Variants in DACH2 observed in about 807,000 individuals in gnomAD.
DACH2 encodes the protein dachshund family transcription factor 2, also known as dachshund homolog 2.
Under a neutral mutation model 35.8 loss-of-function variants are expected in DACH2, and 17 were observed. The ratio of observed to expected loss-of-function variants is 0.48; its 90% CI spans 0.33 to 0.71. DACH2 has a LOEUF of 0.71. DACH2 is among the 30% of genes least tolerant of loss of function. The pLI is 0.02. For missense variants in DACH2, 469 were observed against 472.7 expected, an observed-to-expected ratio of 0.99 and a Z score of 0.07; for synonymous variants, 195 against 177.3, an observed-to-expected ratio of 1.10 and a Z score of -0.79.
At chrX:86,356,750 G>A (rs2035649411) in intron 1 of DACH2, among the ~76,000 whole-genome samples, 1 of 111,013 alleles carries the variant, frequency 9.0e-6, no homozygotes, top group African/African-American at 3.3e-5. Flanking sequence ...GCTAGATCTT[G>A]GCAGATATAT....
intron 6 of DACH2, among the ~76,000 whole-genome samples, chrX:86,717,129 G>A (rs1248042625): frequency 8.9e-6 from 1 of 111,761 alleles, no homozygotes; most frequent in African/African-American, 3.3e-5. Context: ...AATATATTTT[G>A]TCATATGCAT....
chrX:86,698,533 T>TTTTTTTTTTTTTTTTTTTTTTTG (rs1569469397), intron 5 of DACH2, among the ~76,000 whole-genome samples: 1 of 63,057 alleles, frequency 1.6e-5, no homozygotes, highest in African/African-American at 6.0e-5. Flanking sequence ...TTTTTTTTTT[T>TTTTTTTTTTTTTTTTTTTTTTTG]TTTTTTTTTT....
chrX:86,674,498 T>A (rs1481624117), intron 4 of DACH2, among the ~76,000 whole-genome samples: 1 of 112,460 alleles, frequency 8.9e-6, no homozygotes, highest in Non-Finnish European at 1.9e-5. Context: ...TTGGTTTTGA[T>A]ATTTTACAGC....
At chrX:86,715,154 G>A (rs1358727062) in intron 6 of DACH2, among the ~76,000 whole-genome samples, 1 of 111,397 alleles carries the variant, frequency 9.0e-6, no homozygotes, top group Non-Finnish European at 1.9e-5. Context: ...CAACTTAGCT[G>A]AATGAACTTG....
chrX:86,262,786 A>G (rs1397220136), intron 1 of DACH2, among the ~76,000 whole-genome samples: 1 of 112,504 alleles, frequency 8.9e-6, no homozygotes, highest in Non-Finnish European at 1.9e-5. Context: ...ATTTTATCAA[A>G]TGCTTCTAAC....
chrX:86,278,859 A>G (rs1428042985), intron 1 of DACH2, among the ~76,000 whole-genome samples: 1 of 111,363 alleles, frequency 9.0e-6, no homozygotes, highest in Non-Finnish European at 1.9e-5. Flanking sequence ...TGGTGGGGAG[A>G]GGGGCGTCCG....
At chrX:86,457,133 G>A in intron 2 of DACH2, among the ~76,000 whole-genome samples, 2 of 111,376 alleles carry the variant, frequency 1.8e-5, no homozygotes, top group Middle Eastern at 9.4e-3. Flanking sequence ...TGAGGGTGGG[G>A]CTAAGGAGTT....
chrX:86,338,667 C>G (rs916304473), intron 1 of DACH2, among the ~76,000 whole-genome samples: 2 of 111,278 alleles, frequency 1.8e-5, no homozygotes, highest in Admixed American at 1.9e-4. Flanking sequence ...ACTAGCGAAA[C>G]AAGAGCAAAC....
chrX:86,543,189 A>T (rs983237686), intron 3 of DACH2, among the ~76,000 whole-genome samples: 1 of 111,764 alleles, frequency 8.9e-6, no homozygotes, highest in African/African-American at 3.3e-5. Flanking sequence ...ATGGGAACTC[A>T]GCATGGGACT....
At chrX:86,673,522 C>G (rs956538355) in intron 4 of DACH2, among the ~76,000 whole-genome samples, 7 of 110,686 alleles carry the variant, frequency 6.3e-5, no homozygotes, top group African/African-American at 2.3e-4. Context: ...GAGTAACTAA[C>G]TTGTTTTTGA....
chrX:86,316,099 G>T (rs1293835428), intron 1 of DACH2, among the ~76,000 whole-genome samples: 1 of 105,578 alleles, frequency 9.5e-6, no homozygotes, highest in Non-Finnish European at 1.9e-5. Flanking sequence ...GACTCAGTCT[G>T]TCCTGCTCTG....
intron 2 of DACH2, among the ~76,000 whole-genome samples, chrX:86,452,716 T>G (rs2148198902): frequency 8.9e-6 from 1 of 111,763 alleles, no homozygotes; most frequent in Admixed American, 9.5e-5. Flanking sequence ...TCTTTTTTCT[T>G]TATTAGTCTA....
intron 1 of DACH2, among the ~76,000 whole-genome samples, chrX:86,185,296 G>A (rs1346611015): frequency 2.7e-5 from 3 of 111,779 alleles, no homozygotes; most frequent in Non-Finnish European, 3.8e-5. Context: ...CTATCTGTAG[G>A]CAAGGTTCTC....
At chrX:86,529,980 CA>C (rs2038693668) in intron 3 of DACH2, among the ~76,000 whole-genome samples, 1 of 32,738 alleles carries the variant, frequency 3.1e-5, no homozygotes, top group Non-Finnish European at 1.0e-4. Context: ...CACACACGCA[CA>C]CACACACACA....
intron 6 of DACH2, among the ~76,000 whole-genome samples, chrX:86,716,869 T>C (rs2041342657): frequency 8.9e-6 from 1 of 112,017 alleles, no homozygotes; most frequent in South Asian, 3.7e-4. Context: ...TATTAGTCTA[T>C]TTCATATGCA....
intron 2 of DACH2, among the ~76,000 whole-genome samples, chrX:86,465,200 C>T (rs997240637): frequency 9.0e-6 from 1 of 111,633 alleles, no homozygotes; most frequent in African/African-American, 3.2e-5. Flanking sequence ...TCAAAACAAA[C>T]AAAAAAAGAA....
At chrX:86,626,073 C>T (rs1447349707) in intron 3 of DACH2, among the ~76,000 whole-genome samples, 1 of 112,070 alleles carries the variant, frequency 8.9e-6, no homozygotes, top group African/African-American at 3.2e-5. Context: ...TGAGACAAGG[C>T]AAGTCCCTTC....
intron 1 of DACH2, among the ~76,000 whole-genome samples, chrX:86,359,460 A>G (rs1285488260): frequency 9.0e-6 from 1 of 111,486 alleles, no homozygotes; most frequent in African/African-American, 3.3e-5. Flanking sequence ...ATAGAAGACC[A>G]AGAGAGGCCA....
At chrX:86,475,544 C>T (rs2037829057) in intron 2 of DACH2, among the ~76,000 whole-genome samples, 1 of 112,150 alleles carries the variant, frequency 8.9e-6, no homozygotes, top group South Asian at 3.7e-4. Context: ...TTGTATCCTG[C>T]AACTACTGGA....
Sources: allele counts gnomAD v4.1 joint callset (sites outside exome capture counted in the v4.1 genomes callset), GRCh38; gene constraint gnomAD v4.1.1; transcripts MANE v1.5; gene names NCBI Gene and HGNC (gene_info 2026-07-23, HGNC 2026-07-21).